Variants in JAKMIP3 observed in about 807,000 individuals in gnomAD.
The protein encoded by JAKMIP3 is janus kinase and microtubule-interacting protein 3.
Under a neutral mutation model 118.5 loss-of-function variants are expected in JAKMIP3, and 58 were observed. That is an observed-to-expected ratio of 0.49 (90% CI 0.40 to 0.61). JAKMIP3 has a LOEUF of 0.61. JAKMIP3 is among the 20% of genes least tolerant of loss of function. The pLI, the probability that JAKMIP3 is intolerant of heterozygous loss-of-function variation, is 0.00. For missense variants in JAKMIP3, 950 were observed against 1,109.0 expected, an observed-to-expected ratio of 0.86 and a Z score of 2.04; for synonymous variants, 486 against 451.2, an observed-to-expected ratio of 1.08 and a Z score of -0.98.
intron 3 of JAKMIP3, among the ~76,000 whole-genome samples, chr10:132,123,817 G>A (rs74692964): frequency 0.023 from 3,520 of 152,268 alleles, 43 homozygotes; most frequent in Admixed American, 0.029. Context: ...ATGCAGCATC[G>A]GCTTCTGGGG....
intron 1 of JAKMIP3, among the ~76,000 whole-genome samples, chr10:132,087,536 G>GTT (rs2042553843): frequency 6.6e-6 from 1 of 151,894 alleles, no homozygotes; most frequent in South Asian, 2.1e-4. Flanking sequence ...AGACTTCTTG[G>GTT]AGGCTTTGTT....
intron 23 of JAKMIP3, among the ~76,000 whole-genome samples, chr10:132,175,621 A>C (rs1392273126): frequency 6.6e-6 from 1 of 152,172 alleles, no homozygotes; most frequent in African/African-American, 2.4e-5. Flanking sequence ...CAGCAGGTTC[A>C]GATTTACAGC....
intron 12 of JAKMIP3, 143 bp from the exon 13 acceptor site, chr10:132,145,375 G>A (rs1006473991): frequency 4.0e-5 from 38 of 940,876 alleles, no homozygotes; most frequent in South Asian, 3.8e-4. Flanking sequence ...CACCACGCCC[G>A]GCTAATTTTT....
intron 3 of JAKMIP3, among the ~76,000 whole-genome samples, chr10:132,124,383 G>C (rs1369865117): frequency 1.3e-5 from 2 of 150,168 alleles, no homozygotes; most frequent in Non-Finnish European, 3.0e-5. Context: ...TCACAACTGA[G>C]TCGGCCGGCC....
chr10:132,124,643 G>A (rs748217835), intron 3 of JAKMIP3, among the ~76,000 whole-genome samples: 5 of 152,190 alleles, frequency 3.3e-5, no homozygotes, highest in East Asian at 1.9e-4. Context: ...CCATTGCCAC[G>A]CGGTCACCCG....
At chr10:132,053,218 C>T (rs2038146494) in intron 1 of JAKMIP3, among the ~76,000 whole-genome samples, 1 of 152,242 alleles carries the variant, frequency 6.6e-6, no homozygotes, top group Non-Finnish European at 1.5e-5. Flanking sequence ...GCTGATCAGT[C>T]TCTGTCACCA....
intron 23 of JAKMIP3, among the ~76,000 whole-genome samples, chr10:132,180,644 T>TATGTGCAC (rs2060941290): frequency 8.2e-5 from 2 of 24,300 alleles, no homozygotes; most frequent in African/African-American, 4.0e-4. Context: ...CGTGCGTGTG[T>TATGTGCAC]GCGTGTGCGT....
At chr10:132,180,742 CGTGCGCGCGCGTGT>C (rs1331483446) in intron 23 of JAKMIP3, among the ~76,000 whole-genome samples, 176 of 8,710 alleles carry the variant, frequency 0.02, 37 homozygotes, top group Non-Finnish European at 0.023. Context: ...TGTGTGCGTG[CGTGCGCGCGCGTGT>C]GTGCGTGTGT....
intron 1 of JAKMIP3, among the ~76,000 whole-genome samples, chr10:132,050,035 C>T (rs1380378284): frequency 6.6e-6 from 1 of 152,082 alleles, no homozygotes; most frequent in Non-Finnish European, 1.5e-5. Flanking sequence ...CTCTCAGGAC[C>T]TTATCTCTTT....
At chr10:132,040,582 A>G (rs1564847400) in intron 1 of JAKMIP3, among the ~76,000 whole-genome samples, 1 of 150,706 alleles carries the variant, frequency 6.6e-6, no homozygotes, top group African/African-American at 2.4e-5. Context: ...TCAGTTCCTT[A>G]TAAAGTATTT....
chr10:132,073,476 C>T (rs1014499096), intron 1 of JAKMIP3, among the ~76,000 whole-genome samples: 10 of 151,014 alleles, frequency 6.6e-5, no homozygotes, highest in East Asian at 3.9e-4. Context: ...TGAGCCACTG[C>T]GCCCGGCCTA....
intron 1 of JAKMIP3, among the ~76,000 whole-genome samples, chr10:132,093,466 A>C (rs922660779): frequency 6.6e-6 from 1 of 152,158 alleles, no homozygotes; most frequent in Non-Finnish European, 1.5e-5. Flanking sequence ...CCTCGCTGCC[A>C]CCTTGCAGTT....
chr10:132,110,687 G>C (rs371754054), intron 2 of JAKMIP3, among the ~76,000 whole-genome samples: 3 of 152,374 alleles, frequency 2.0e-5, no homozygotes, highest in Admixed American at 6.5e-5. Flanking sequence ...GACTTGAGCA[G>C]ACTGAGATCT....
intron 16 of JAKMIP3, 79 bp from the exon 17 acceptor site, chr10:132,152,879 T>C (rs547126310): frequency 5.9e-6 from 7 of 1,176,554 alleles, no homozygotes; most frequent in African/African-American, 1.5e-5. Flanking sequence ...CCCAGTCAGC[T>C]TCCCCATGCA....
chr10:132,180,322 C>T (rs563755739), intron 23 of JAKMIP3, among the ~76,000 whole-genome samples: 3 of 151,154 alleles, frequency 2.0e-5, no homozygotes, highest in Admixed American at 1.3e-4. Context: ...GAGACCAAGG[C>T]CAGACCCATG....
chr10:132,089,016 G>C (rs1305897180), intron 1 of JAKMIP3, among the ~76,000 whole-genome samples: 1 of 152,164 alleles, frequency 6.6e-6, no homozygotes, highest in African/African-American at 2.4e-5. Flanking sequence ...TCAGATGGTT[G>C]TAGATGTGTG....
At chr10:132,130,223 G>A (rs1248131156) in intron 3 of JAKMIP3, among the ~76,000 whole-genome samples, 1 of 152,140 alleles carries the variant, frequency 6.6e-6, no homozygotes, top group South Asian at 2.1e-4. Flanking sequence ...ATAGGACCAG[G>A]CTCTGTATCT....
intron 1 of JAKMIP3, among the ~76,000 whole-genome samples, 131 bp downstream of exon 1, chr10:132,066,192 T>G (rs73395754): frequency 0.12 from 17,965 of 152,224 alleles, 1,165 homozygotes; most frequent in Middle Eastern, 0.18. Context: ...AGTTGACAGT[T>G]TGGGGTCTGT....
chr10:132,111,107 G>T (rs1225430367), intron 2 of JAKMIP3, among the ~76,000 whole-genome samples: 2 of 152,214 alleles, frequency 1.3e-5, no homozygotes, highest in African/African-American at 4.8e-5. Flanking sequence ...CCTTTCGGAG[G>T]TGCCCGGAAA....
Sources: allele counts gnomAD v4.1 joint callset (sites outside exome capture counted in the v4.1 genomes callset), GRCh38; gene constraint gnomAD v4.1.1; transcripts MANE v1.5; gene names NCBI Gene and HGNC (gene_info 2026-07-23, HGNC 2026-07-21).